HECW2: variants seen among roughly 807,000 people sequenced by gnomAD.
HECW2 encodes the protein E3 ubiquitin-protein ligase HECW2.
In HECW2, 61 loss-of-function variants were observed where a neutral mutation model predicts 175.2. The observed-to-expected ratio is 0.35, with a 90% CI of 0.28 to 0.43. The LOEUF is 0.43. Among genes scored for constraint, HECW2 ranks in the 20% least tolerant of loss-of-function variants. The pLI is 1.00. For missense variants in HECW2, 1,524 were observed against 2,000.5 expected (o/e 0.76, Z 4.54); for synonymous variants, 671 against 731.0 (o/e 0.92, Z 1.32).
chr2:196,256,059 C>A (rs564734664), intron 18 of HECW2, among the ~76,000 whole-genome samples: 2 of 151,910 alleles, frequency 1.3e-5, no homozygotes, highest in Admixed American at 6.6e-5. Context: ...GGCAACAGAG[C>A]GAGACTGCAC....
At chr2:196,498,979 C>T (rs1225658211) in intron 1 of HECW2, among the ~76,000 whole-genome samples, 1 of 152,040 alleles carries the variant, frequency 6.6e-6, no homozygotes. Flanking sequence ...CAGTTTCAAC[C>T]CCCCTATAAT....
At chr2:196,584,417 G>C (rs553326684) in intron 1 of HECW2, among the ~76,000 whole-genome samples, 1 of 152,206 alleles carries the variant, frequency 6.6e-6, no homozygotes, top group African/African-American at 2.4e-5. Context: ...TTTCTTTACA[G>C]AAAGGCTAAA....
intron 1 of HECW2, among the ~76,000 whole-genome samples, chr2:196,524,688 A>G (rs1453483715): frequency 1.7e-5 from 2 of 117,004 alleles, no homozygotes; most frequent in East Asian, 2.0e-4. Context: ...CTTTGTTCTC[A>G]TTGGTTTCAA....
At chr2:196,289,652 T>C (rs771189926) in intron 14 of HECW2, 1 of 152,152 alleles carries the variant, frequency 6.6e-6, no homozygotes. Context: ...AGTGGGATCA[T>C]ATCTGTGAAC....
intron 1 of HECW2, among the ~76,000 whole-genome samples, chr2:196,515,977 A>G (rs1467846891): frequency 1.4e-5 from 2 of 146,150 alleles, no homozygotes; most frequent in Non-Finnish European, 3.0e-5. Context: ...AAAAAGTACA[A>G]AAAAAAAAAA....
chr2:196,559,770 A>AT (rs1449933446), intron 1 of HECW2, among the ~76,000 whole-genome samples: 23 of 152,198 alleles, frequency 1.5e-4, no homozygotes, highest in Admixed American at 1.5e-3. Flanking sequence ...TACAAAAATC[A>AT]TTTTTTGAAA....
chr2:196,328,603 G>T (rs549553687), intron 5 of HECW2, among the ~76,000 whole-genome samples: 1 of 150,308 alleles, frequency 6.7e-6, no homozygotes. Context: ...CTCACAACAC[G>T]TTTTTTGTTT....
intron 17 of HECW2, among the ~76,000 whole-genome samples, chr2:196,265,765 T>C (rs1230857727): frequency 6.6e-6 from 1 of 152,182 alleles, no homozygotes; most frequent in African/African-American, 2.4e-5. Flanking sequence ...CATTTAATCT[T>C]CAAAAAGATG....
chr2:196,335,979 G>A (rs536083651), intron 3 of HECW2, among the ~76,000 whole-genome samples: 3 of 152,280 alleles, frequency 2.0e-5, no homozygotes, highest in East Asian at 1.9e-4. Flanking sequence ...GCACCAGGTC[G>A]AACAGCATAG....
At chr2:196,399,720 CCA>C (rs1310392040) in intron 2 of HECW2, among the ~76,000 whole-genome samples, 2 of 152,206 alleles carry the variant, frequency 1.3e-5, no homozygotes, top group South Asian at 2.1e-4. Flanking sequence ...TTCTTTCTAA[CCA>C]CACAGTCTCC....
At chr2:196,469,546 A>G (rs1398070163) in intron 1 of HECW2, among the ~76,000 whole-genome samples, 5 of 152,118 alleles carry the variant, frequency 3.3e-5, no homozygotes, top group African/African-American at 9.6e-5. Context: ...AAAATAAAAA[A>G]TGTAATAAAA....
At chr2:196,568,502 AT>A (rs1000868534) in intron 1 of HECW2, among the ~76,000 whole-genome samples, 1 of 152,230 alleles carries the variant, frequency 6.6e-6, no homozygotes, top group Non-Finnish European at 1.5e-5. Context: ...CAATTTTACC[AT>A]GGGTTTATCA....
intron 16 of HECW2, 57 bp downstream of exon 16, chr2:196,273,964 A>T (rs759433814): frequency 4.0e-6 from 5 of 1,262,424 alleles, no homozygotes; most frequent in Non-Finnish European, 5.8e-6. Context: ...AGCACAGTGT[A>T]CATGGTACAG....
rs527538103 is a variant in HECW2 at position 196,318,754 on chromosome 2, C to G, written c.2136G>C (p.Val712=). The G allele has an allele frequency of 1.3e-6, 2 of 1,528,458 alleles. No individual in the cohort carries two copies. Among genetic ancestry groups the G allele is most frequent in the South Asian group, 2.6e-5 (2 of 76,990 alleles). The allele number at this position is 1,528,458 out of a possible 1,614,324, so 94.7% of individuals were successfully genotyped here. The change falls in exon 9 of 29, where the codon GTG becomes GTC. Residue 712 remains valine, a synonymous_variant. Coordinates refer to ENST00000644978, the MANE Select transcript of HECW2 (RefSeq NM_001348768.2). The part of the protein sequence containing the change: ...CTAGSLPVVQ[V]PSGEDEGPGA... ...CTGGCCCTTCATCCTCCCCACTGGG[C>G]ACCTGTACCACAGGTAAAGAACCAG...
chr2:196,559,184 G>A (rs1216605905), intron 1 of HECW2, among the ~76,000 whole-genome samples: 5 of 152,134 alleles, frequency 3.3e-5, no homozygotes, highest in Non-Finnish European at 7.4e-5. Flanking sequence ...GATGCCCTCT[G>A]CCAGCTCACA....
chr2:196,334,273 T>A (rs1267300500), intron 4 of HECW2, 151 bp downstream of exon 4: 1 of 571,070 alleles, frequency 1.8e-6, no homozygotes, highest in African/African-American at 1.9e-5. Context: ...GCCAACCTTG[T>A]AAGCTATTTC....
chr2:196,529,881 T>A (rs1688785792), intron 1 of HECW2, among the ~76,000 whole-genome samples: 1 of 152,206 alleles, frequency 6.6e-6, no homozygotes, highest in Non-Finnish European at 1.5e-5. Flanking sequence ...CCCTAACTAA[T>A]ACAGTTATTA....
chr2:196,367,233 G>A (rs1306821459), intron 2 of HECW2, among the ~76,000 whole-genome samples: 2 of 152,082 alleles, frequency 1.3e-5, no homozygotes, highest in Non-Finnish European at 2.9e-5. Flanking sequence ...TAAATTTTAC[G>A]TGTCTTAGAA....
intron 1 of HECW2, among the ~76,000 whole-genome samples, chr2:196,563,577 AAAAC>A (rs1262562858): frequency 1.3e-5 from 2 of 152,148 alleles, no homozygotes; most frequent in East Asian, 1.9e-4. Flanking sequence ...TCAAAAAACA[AAAAC>A]AAACAAACAA....
Sources: gnomAD v4.1 joint callset for allele counts (sites outside exome capture counted in the v4.1 genomes callset) on GRCh38, gnomAD v4.1.1 for gene constraint, MANE v1.5 for transcripts, NCBI Gene and HGNC (gene_info 2026-07-23, HGNC 2026-07-21) for gene names.